The following SMAP1 variants were observed in gnomAD, a reference collection of about 807,000 sequenced individuals.
SMAP1 encodes the protein small ArfGAP 1.
SMAP1 carries 24 observed loss-of-function variants against 58.5 expected under a neutral mutation model. The ratio of observed to expected loss-of-function variants is 0.41; its 90% CI spans 0.30 to 0.58. The LOEUF (loss-of-function observed/expected upper bound fraction) is 0.58. Ranked by LOEUF, SMAP1 falls within the 20% of genes least tolerant of loss-of-function variation. SMAP1 has a pLI of 0.29. For synonymous variants in SMAP1, 216 were observed against 196.6 expected (o/e 1.10, Z -0.82); for missense variants, 563 against 566.3 (o/e 0.99, Z 0.06).
intron 6 of SMAP1, among the ~76,000 whole-genome samples, chr6:70,828,987 C>T (rs1379136591): frequency 2.0e-5 from 3 of 152,120 alleles, no homozygotes; most frequent in Admixed American, 2.0e-4. Flanking sequence ...TCAAGGCTGC[C>T]GTGAGCTGCG....
At chr6:70,700,597 C>A (rs1767589447) in intron 1 of SMAP1, among the ~76,000 whole-genome samples, 1 of 152,198 alleles carries the variant, frequency 6.6e-6, no homozygotes, top group African/African-American at 2.4e-5. Context: ...GGCACCCAGC[C>A]TAAACTTCTT....
intron 8 of SMAP1, among the ~76,000 whole-genome samples, chr6:70,855,070 A>G (rs1367288201): frequency 6.6e-6 from 1 of 150,470 alleles, no homozygotes; most frequent in East Asian, 2.0e-4. Flanking sequence ...ATACATATAC[A>G]TATACATATA....
Position 70,860,881 on chromosome 6 carries a change from G to GAAGAT in SMAP1, c.*550_*554dup. 1 of 392,426 alleles carries GAAGAT rather than the reference G, an allele frequency of 2.5e-6. No homozygotes were observed. Among genetic ancestry groups the GAAGAT allele is most frequent in the Non-Finnish European group, 4.5e-6 (1 of 222,270 alleles). The allele number at this position is 392,426 out of a possible 1,614,324, so 24.3% of individuals were successfully genotyped here. On this transcript the variant is annotated 3_prime_UTR_variant, in exon 11 of 11. Coordinates refer to ENST00000370455, the MANE Select transcript of SMAP1 (RefSeq NM_001044305.3). ...TAACAGGGAACGTGATTAGTGAAAG[G>GAAGAT]AAGATAAACGTGGATGTTACTCCAA... is the stretch of plus-strand genomic sequence containing the variant.
chr6:70,856,855 T>C lies in SMAP1; in HGVS notation c.790-4T>C. ...TTGATAGCTTATTTTGGTGTTTGTC[T>C]CAGGGGACACCCTCTGCACCAGCAG... On this transcript the variant is annotated splice_polypyrimidine_tract_variant and splice_region_variant and intron_variant, in intron 8 of 10. Coordinates refer to ENST00000370455, the MANE Select transcript of SMAP1 (RefSeq NM_001044305.3). The C allele has an allele frequency of 1.2e-6, 2 of 1,601,282 alleles. No individual in the cohort carries two copies. Among genetic ancestry groups the C allele is most frequent in the Non-Finnish European group, 1.7e-6 (2 of 1,173,502 alleles).
chr6:70,791,714 A>T lies in SMAP1; in HGVS notation c.440A>T (p.Gln147Leu), dbSNP rs1201935955. ...TNISSSDAPL[Q>L]PLVSSPSLQA... ...ATTTCCTCCTCTGATGCTCCTCTTCAGCCTTTGGTATCCTCTCCTTCTCTG... is the reference window on the plus strand; with the variant it reads ...ATTTCCTCCTCTGATGCTCCTCTTCTGCCTTTGGTATCCTCTCCTTCTCTG... The change falls in exon 5 of 11, where the codon CAG (glutamine) becomes CTG (leucine). Residue 147 changes from glutamine (Q) to leucine (L), a missense_variant. Gln to Leu is a moderately radical substitution (Grantham distance 113). Coordinates refer to ENST00000370455, the MANE Select transcript of SMAP1 (RefSeq NM_001044305.3). 1.2e-6 allele frequency: 2 copies of T among 1,613,146 alleles called. No individual in the cohort carries two copies. Among genetic ancestry groups the T allele is most frequent in the Non-Finnish European group, 1.7e-6 (2 of 1,179,750 alleles).
At chr6:70,737,078 A>G (rs1020873865) in intron 2 of SMAP1, among the ~76,000 whole-genome samples, 4 of 152,210 alleles carry the variant, frequency 2.6e-5, no homozygotes, top group African/African-American at 9.7e-5. Context: ...TTCTGCTGAA[A>G]CAATCTGATA....
At chr6:70,843,816 G>A (rs1337072337) in intron 7 of SMAP1, among the ~76,000 whole-genome samples, 2 of 152,172 alleles carry the variant, frequency 1.3e-5, no homozygotes, top group African/African-American at 4.8e-5. Flanking sequence ...TAAATGGTGT[G>A]CTTTATGTGA....
intron 6 of SMAP1, among the ~76,000 whole-genome samples, chr6:70,803,052 T>C (rs1273259208): frequency 6.6e-6 from 1 of 152,232 alleles, no homozygotes; most frequent in East Asian, 1.9e-4. Context: ...CCTCTTTTTC[T>C]ATTGATTGGA....
At chr6:70,798,875 G>A in intron 6 of SMAP1, 138 bp downstream of exon 6, 9 of 662,728 alleles carry the variant, frequency 1.4e-5, no homozygotes, top group South Asian at 2.7e-5. Context: ...AATGCTGTGT[G>A]CTCAGCATGT....
intron 6 of SMAP1, among the ~76,000 whole-genome samples, chr6:70,829,708 T>A (rs1486817589): frequency 6.6e-6 from 1 of 152,240 alleles, no homozygotes; most frequent in Non-Finnish European, 1.5e-5. Flanking sequence ...TAAAGGAAAC[T>A]GATTATAAAT....
chr6:70,702,782 C>A (rs1008215832), intron 1 of SMAP1, among the ~76,000 whole-genome samples: 4 of 151,946 alleles, frequency 2.6e-5, no homozygotes, highest in African/African-American at 9.7e-5. Context: ...AGGTGCGCAC[C>A]ACCACACCTG....
chr6:70,763,911 T>A (rs1413122907), intron 3 of SMAP1, among the ~76,000 whole-genome samples: 1 of 152,098 alleles, frequency 6.6e-6, no homozygotes, highest in Non-Finnish European at 1.5e-5. Context: ...CATGAGTTTG[T>A]GTTTTTGTTT....
intron 1 of SMAP1, among the ~76,000 whole-genome samples, chr6:70,731,249 A>T (rs1010793002): frequency 6.6e-6 from 1 of 152,204 alleles, no homozygotes; most frequent in Non-Finnish European, 1.5e-5. Flanking sequence ...TTAATTTTAC[A>T]AGCAATATGT....
chr6:70,805,388 G>A (rs1484417826), intron 6 of SMAP1, among the ~76,000 whole-genome samples: 4 of 152,084 alleles, frequency 2.6e-5, no homozygotes, highest in Non-Finnish European at 5.9e-5. Flanking sequence ...GTTTATTCTA[G>A]TTAGCCATTC....
At position 70,682,774 on chromosome 6, in the gene SMAP1, A is replaced by T. The variant is rs1205958983; in HGVS notation, c.118+14633A>T. Among the ~76,000 whole-genome samples, 3 of 152,310 alleles carry T rather than the reference A, an allele frequency of 2.0e-5. No individual in the cohort carries two copies. In the East Asian group the frequency reaches 5.8e-4, roughly 29 times the overall value. ...AATGGCTAGGCAAGTGCTGTGGCTC[A>T]TGCCTGTAATCCTAGCACTTTGGGA... On this transcript the variant is annotated intron_variant, in intron 1 of 10. Transcript: ENST00000370455.
rs373735239 is a variant in SMAP1, at chr6:70,730,860, C to T, written c.119-1518C>T. On this transcript the variant is annotated intron_variant, in intron 1 of 10. Transcript: ENST00000370455. The stretch of plus-strand genomic sequence containing the variant: ...TGTCACCCAGGCTGGAGTACAGTGG[C>T]GGGATCTCGACTCACTGCAATCTCT... Among the ~76,000 whole-genome samples the T allele has an allele frequency of 1.4e-4, 21 of 152,216 alleles. No homozygotes were observed. In the East Asian group the frequency reaches 3.7e-3, roughly 27 times the overall value.
chr6:70,824,521 T>C (rs900881740), intron 6 of SMAP1, among the ~76,000 whole-genome samples: 1 of 152,146 alleles, frequency 6.6e-6, no homozygotes, highest in African/African-American at 2.4e-5. Flanking sequence ...TAATGTTGTT[T>C]TAAATCAAGA....
intron 1 of SMAP1, among the ~76,000 whole-genome samples, chr6:70,672,478 A>ACC (rs1562083769): frequency 6.6e-6 from 1 of 152,240 alleles, no homozygotes; most frequent in Non-Finnish European, 1.5e-5. Flanking sequence ...CCGTTTATAC[A>ACC]TAAAAGACAA....
chr6:70,724,869 T>C (rs1768696317), intron 1 of SMAP1, among the ~76,000 whole-genome samples: 1 of 151,900 alleles, frequency 6.6e-6, no homozygotes, highest in African/African-American at 2.4e-5. Flanking sequence ...TAATGAAATA[T>C]GTTTAATATT....
Sources: allele counts gnomAD v4.1 joint callset (sites outside exome capture counted in the v4.1 genomes callset), GRCh38; gene constraint gnomAD v4.1.1; transcripts MANE v1.5; gene names NCBI Gene and HGNC (gene_info 2026-07-23, HGNC 2026-07-21).